Variants in PREX1 observed in about 807,000 individuals in gnomAD.
The protein encoded by PREX1 is phosphatidylinositol-3,4,5-trisphosphate dependent Rac exchange factor 1, also known as phosphatidylinositol 3,4,5-trisphosphate-dependent Rac exchanger 1 protein.
In PREX1, 41 loss-of-function variants were observed where a neutral mutation model predicts 198.3. That is an observed-to-expected ratio of 0.21 (90% CI 0.16 to 0.27). PREX1 has a LOEUF of 0.27. Among genes scored for constraint, PREX1 ranks in the 10% least tolerant of loss-of-function variants. PREX1 has a pLI of 1.00. For missense variants in PREX1, 1,620 were observed against 2,200.7 expected (o/e 0.74, Z 5.28); for synonymous variants, 843 against 887.2 (o/e 0.95, Z 0.89).
chr20:48,668,216 G>A (rs1021474194), intron 14 of PREX1, among the ~76,000 whole-genome samples: 2 of 152,180 alleles, frequency 1.3e-5, no homozygotes, highest in African/African-American at 4.8e-5. Context: ...AACAGCAGGG[G>A]CAAAGGTCTG....
chr20:48,816,411 T>C (rs1250452935), intron 1 of PREX1, among the ~76,000 whole-genome samples: 1 of 152,156 alleles, frequency 6.6e-6, no homozygotes, highest in African/African-American at 2.4e-5. Context: ...TTGTGACTGG[T>C]AAATGACAGA....
chr20:48,765,394 G>C (rs2090203857), intron 1 of PREX1, among the ~76,000 whole-genome samples: 1 of 152,214 alleles, frequency 6.6e-6, no homozygotes, highest in Non-Finnish European at 1.5e-5. Flanking sequence ...TTCAGTTCCT[G>C]AGTTTAGAAA....
At chr20:48,703,169 T>G (rs1296302204) in intron 6 of PREX1, among the ~76,000 whole-genome samples, 3 of 152,218 alleles carry the variant, frequency 2.0e-5, no homozygotes, top group Non-Finnish European at 2.9e-5. Flanking sequence ...CAAGGGGCTC[T>G]CTCGCTGCTG....
intron 20 of PREX1, 73 bp from the exon 21 acceptor site, chr20:48,652,779 A>G (rs1182302008): frequency 2.7e-6 from 4 of 1,501,886 alleles, no homozygotes; most frequent in Non-Finnish European, 2.7e-6. Context: ...CCGAGGTGTG[A>G]ACTGCCCCTG....
intron 33 of PREX1, among the ~76,000 whole-genome samples, chr20:48,634,060 T>TGGATGGAG (rs2089338213): frequency 8.3e-6 from 1 of 120,916 alleles, no homozygotes; most frequent in Admixed American, 8.7e-5. Context: ...GATGGATGGA[T>TGGATGGAG]GAGTGGGATG....
intron 21 of PREX1, 41 bp from the exon 22 acceptor site, chr20:48,651,624 G>A (rs1304471880): frequency 3.2e-6 from 5 of 1,580,244 alleles, no homozygotes; most frequent in Middle Eastern, 1.7e-4. Flanking sequence ...GAGATCAGAG[G>A]GAGGGAGGAA....
At chr20:48,714,610 A>G (rs2089953421) in intron 5 of PREX1, among the ~76,000 whole-genome samples, 3 of 152,164 alleles carry the variant, frequency 2.0e-5, no homozygotes. Context: ...ATGAATAACA[A>G]CTGTTGGTGG....
At chr20:48,816,598 G>A (rs2090460214) in intron 1 of PREX1, among the ~76,000 whole-genome samples, 1 of 152,122 alleles carries the variant, frequency 6.6e-6, no homozygotes, top group Admixed American at 6.5e-5. Flanking sequence ...TCACCTGCTG[G>A]CCGTGATGTG....
At chr20:48,864,170 G>A in the PREX1 span, among the ~76,000 whole-genome samples, 26,361 of 152,138 alleles carry the variant, frequency 0.17, 2,358 homozygotes, top group Non-Finnish European at 0.19. Context: ...ATGAAATTTC[G>A]ATCTTTCATT....
intron 1 of PREX1, among the ~76,000 whole-genome samples, chr20:48,818,798 T>C (rs73260252): frequency 0.012 from 1,796 of 152,322 alleles, 37 homozygotes; most frequent in African/African-American, 0.042. Context: ...CCTTCCTTTG[T>C]CTCAGGAAGC....
intron 5 of PREX1, among the ~76,000 whole-genome samples, chr20:48,713,412 C>T (rs1372381877): frequency 6.6e-6 from 1 of 150,450 alleles, no homozygotes; most frequent in East Asian, 2.0e-4. Flanking sequence ...AGATTAAGCC[C>T]CTGCACTCCA....
the PREX1 span, among the ~76,000 whole-genome samples, chr20:48,844,754 A>G: frequency 6.6e-6 from 1 of 152,182 alleles, no homozygotes; most frequent in African/African-American, 2.4e-5. Flanking sequence ...GAGCCGAATT[A>G]CCCAACCCTG....
chr20:48,837,590 G>A, the PREX1 span, among the ~76,000 whole-genome samples: 91 of 152,280 alleles, frequency 6.0e-4, no homozygotes, highest in Middle Eastern at 6.8e-3. Flanking sequence ...AATACCTCAC[G>A]TTCTCACTTA....
the PREX1 span, among the ~76,000 whole-genome samples, chr20:48,851,244 C>G: frequency 6.6e-6 from 1 of 152,150 alleles, no homozygotes; most frequent in East Asian, 1.9e-4. Flanking sequence ...TGGTGGTTCA[C>G]GCCTGTAATC....
chr20:48,687,725 C>T lies in PREX1; in HGVS notation c.1334+932G>A, dbSNP rs576985890. ...CCGGAGTGTCTAGCACATTGTAGGG[C>T]CTTAAAACAGCCTGACCATTTTACA... On this transcript the variant is annotated intron_variant, in intron 10 of 39. Coordinates refer to ENST00000371941, the MANE Select transcript of PREX1 (RefSeq NM_020820.4). 5.9e-5 allele frequency among the ~76,000 whole-genome samples: 9 copies of T among 152,340 alleles called. No homozygotes were observed. The South Asian group carries it at 1.9e-3, about 32-fold the overall frequency.
chr20:48,856,706 G>A, the PREX1 span, among the ~76,000 whole-genome samples: 74 of 152,184 alleles, frequency 4.9e-4, no homozygotes, highest in Non-Finnish European at 9.3e-4. Context: ...GGGTGGATGG[G>A]CTGGGAAAAA....
chr20:48,690,852 G>A, intron 9 of PREX1, 95 bp downstream of exon 9: 11 of 1,539,820 alleles, frequency 7.1e-6, no homozygotes, highest in Non-Finnish European at 8.8e-6. Context: ...CTCCTGAAAA[G>A]GACCCTATGC....
chr20:48,642,215 C>T lies in PREX1; in HGVS notation c.3728G>A (p.Arg1243Gln), dbSNP rs147252615. The T allele has an allele frequency of 2.5e-5, 40 of 1,614,094 alleles. No individual in the cohort carries two copies. In the East Asian group the frequency reaches 5.1e-4, roughly 21 times the overall value. Residue 1243 changes from arginine (R) to glutamine (Q), a missense_variant, in exon 29 of 40, where the codon CGG (arginine) becomes CAG (glutamine). Transcript: ENST00000371941. ...NALLKGPVMS[R>Q]AFEETKHFPM... The stretch of plus-strand genomic sequence containing the variant: ...GAAATGCTTGGTCTCTTCGAAAGCC[C>T]GGCTCATGACTGGCCCCTTGAGGAG...
At chr20:48,779,538 C>T (rs942759535) in intron 1 of PREX1, among the ~76,000 whole-genome samples, 6 of 152,126 alleles carry the variant, frequency 3.9e-5, no homozygotes, top group African/African-American at 1.4e-4. Context: ...TATGTTCACA[C>T]AAAAAGCTAT....
Sources: allele counts gnomAD v4.1 joint callset (sites outside exome capture counted in the v4.1 genomes callset), GRCh38; gene constraint gnomAD v4.1.1; transcripts MANE v1.5; gene names NCBI Gene and HGNC (gene_info 2026-07-23, HGNC 2026-07-21).